TRMT11: variants seen among roughly 807,000 people sequenced by gnomAD.
TRMT11 encodes tRNA methyltransferase 11.
A neutral mutation model predicts 62.8 loss-of-function variants in TRMT11; 53 were observed. The observed-to-expected ratio is 0.84, with a 90% CI of 0.68 to 1.06. The LOEUF is 1.06. Among genes scored for constraint, TRMT11 ranks in the 50% least tolerant of loss-of-function variants. TRMT11 has a pLI of 0.00. For missense variants in TRMT11, 556 were observed against 553.4 expected, an observed-to-expected ratio of 1.00 and a Z score of -0.05; for synonymous variants, 188 against 190.3, an observed-to-expected ratio of 0.99 and a Z score of 0.10.
At chr6:126,113,950 C>A (rs971611350) in intron 18 of TRMT11, among the ~76,000 whole-genome samples, 3 of 152,032 alleles carry the variant, frequency 2.0e-5, no homozygotes, top group African/African-American at 7.2e-5. Flanking sequence ...GTCCATGGAT[C>A]GCACTTTAAG....
chr6:126,042,776 A>G (rs1410472012), downstream of TRMT11, among the ~76,000 whole-genome samples: 2 of 152,196 alleles, frequency 1.3e-5, no homozygotes, highest in African/African-American at 4.8e-5. Flanking sequence ...AATTAAAAGA[A>G]AAGGAAAAAG....
intron 17 of TRMT11, among the ~76,000 whole-genome samples, chr6:126,100,886 G>T (rs78976469): frequency 0.047 from 7,156 of 152,174 alleles, 501 homozygotes; most frequent in African/African-American, 0.16. Flanking sequence ...GGTCTCCTGT[G>T]GGGGTGATGT....
chr6:125,996,339 TAA>T (rs990929975), intron 3 of TRMT11, among the ~76,000 whole-genome samples: 2 of 152,248 alleles, frequency 1.3e-5, no homozygotes, highest in Non-Finnish European at 2.9e-5. Flanking sequence ...ATGCCACATA[TAA>T]TTATAACCAA....
chr6:126,121,031 G>A (rs1469543728), intron 21 of TRMT11, among the ~76,000 whole-genome samples: 1 of 152,024 alleles, frequency 6.6e-6, no homozygotes, highest in Non-Finnish European at 1.5e-5. Context: ...CCCACGTTAG[G>A]TAATAGCTCT....
chr6:126,224,334 C>T, the TRMT11 span, among the ~76,000 whole-genome samples: 1 of 152,172 alleles, frequency 6.6e-6, no homozygotes, highest in Non-Finnish European at 1.5e-5. Context: ...CCTTTACATT[C>T]CTTGATGGCC....
At position 126,109,956 on chromosome 6, in the gene TRMT11, G is replaced by A. The variant is rs149809960; in HGVS notation, c.*1438-2910G>A. Among the ~76,000 whole-genome samples the A allele has an allele frequency of 2.7e-3, 407 of 152,260 alleles. 1 individual carries two copies. Among genetic ancestry groups the A allele is most frequent in the African/African-American group, 9.1e-3 (377 of 41,548 alleles). ...TGGCACCAAGCATGACTTGAAGAAGGCACCAAGGATGGGGCTAGAAAGCTA... is the reference window on the plus strand; with the variant it reads ...TGGCACCAAGCATGACTTGAAGAAGACACCAAGGATGGGGCTAGAAAGCTA... On this transcript the variant is annotated intron_variant and NMD_transcript_variant, in intron 17 of 22. Transcript: ENST00000648977.
chr6:125,994,321 T>A (rs1171792545), intron 2 of TRMT11, among the ~76,000 whole-genome samples: 1 of 152,130 alleles, frequency 6.6e-6, no homozygotes, highest in Non-Finnish European at 1.5e-5. Context: ...GTCTTTTTTT[T>A]TTTCGTGTAC....
At chr6:126,018,457 G>A (rs541823669) in intron 11 of TRMT11, among the ~76,000 whole-genome samples, 2 of 152,152 alleles carry the variant, frequency 1.3e-5, no homozygotes, top group South Asian at 2.1e-4. Flanking sequence ...AGGGGCCTAT[G>A]TACACAATTA....
intron 17 of TRMT11, among the ~76,000 whole-genome samples, chr6:126,105,136 A>G (rs928924114): frequency 2.6e-5 from 4 of 152,208 alleles, no homozygotes; most frequent in African/African-American, 9.6e-5. Flanking sequence ...TAGGACCCGT[A>G]AATCATCCCC....
At chr6:126,215,572 G>A in the TRMT11 span, among the ~76,000 whole-genome samples, 1 of 151,822 alleles carries the variant, frequency 6.6e-6, no homozygotes, top group African/African-American at 2.4e-5. Flanking sequence ...GTCAGTCTAT[G>A]TGTCTCTTTA....
rs531879880 is a variant in TRMT11, at chr6:126,077,603, C to T, written c.*1437+24413C>T. ...TCAGCCTCCCAAAGAACTGGGACTG[C>T]AGGCATGAGCCACCACGCCCAGACA... is the stretch of plus-strand genomic sequence containing the variant. On this transcript the variant is annotated intron_variant and NMD_transcript_variant, in intron 17 of 22. Transcript: ENST00000648977. Among the ~76,000 whole-genome samples the T allele has an allele frequency of 5.3e-5, 8 of 152,312 alleles. No individual in the cohort carries two copies. In the East Asian group the frequency reaches 1.5e-3, roughly 29 times the overall value.
intron 21 of TRMT11, among the ~76,000 whole-genome samples, chr6:126,121,473 G>A (rs1221704810): frequency 6.6e-6 from 1 of 152,110 alleles, no homozygotes; most frequent in African/African-American, 2.4e-5. Context: ...CTTTAGTAGT[G>A]TGGAAGAACA....
chr6:126,095,233 A>G (rs1313048102), intron 17 of TRMT11, among the ~76,000 whole-genome samples: 1 of 152,208 alleles, frequency 6.6e-6, no homozygotes, highest in African/African-American at 2.4e-5. Context: ...TCTAAGTGAT[A>G]ATTTAAGCAA....
chr6:126,232,266 C>CA, the TRMT11 span, among the ~76,000 whole-genome samples: 2 of 151,952 alleles, frequency 1.3e-5, no homozygotes, highest in Non-Finnish European at 2.9e-5. Context: ...GACTGTCCTA[C>CA]AAAAGTAAGA....
the TRMT11 span, among the ~76,000 whole-genome samples, chr6:126,240,187 T>G: frequency 6.6e-6 from 1 of 152,116 alleles, no homozygotes; most frequent in African/African-American, 2.4e-5. Context: ...GTTTGATCGT[T>G]TGAAGCCTTC....
At chr6:126,272,018 G>A in the TRMT11 span, among the ~76,000 whole-genome samples, 3 of 152,128 alleles carry the variant, frequency 2.0e-5, no homozygotes, top group Non-Finnish European at 4.4e-5. Context: ...AGGAGAAACT[G>A]AAGACAAATA....
chr6:125,992,208 G>T (rs1423497642), intron 1 of TRMT11, among the ~76,000 whole-genome samples: 1 of 152,178 alleles, frequency 6.6e-6, no homozygotes, highest in Non-Finnish European at 1.5e-5. Flanking sequence ...GCTTTGGGTA[G>T]TAGAGATAAT....
intron 1 of TRMT11, among the ~76,000 whole-genome samples, chr6:126,195,592 T>C (rs1196830210): frequency 6.6e-6 from 1 of 152,232 alleles, no homozygotes; most frequent in African/African-American, 2.4e-5. Context: ...TCAGTGTACA[T>C]CCCTGACTTC....
chr6:126,216,919 CTT>C, the TRMT11 span, among the ~76,000 whole-genome samples: 1 of 152,026 alleles, frequency 6.6e-6, no homozygotes, highest in Non-Finnish European at 1.5e-5. Flanking sequence ...TGTAGGCATA[CTT>C]TTTTTGGTCT....
Sources: gnomAD v4.1 joint callset for allele counts (sites outside exome capture counted in the v4.1 genomes callset) on GRCh38, gnomAD v4.1.1 for gene constraint, MANE v1.5 for transcripts, NCBI Gene and HGNC (gene_info 2026-07-23, HGNC 2026-07-21) for gene names.